Variants in SASH1 observed in about 807,000 individuals in gnomAD.
SASH1 encodes the protein SAM and SH3 domain-containing protein 1.
In SASH1, 44 loss-of-function variants were observed where a neutral mutation model predicts 125.2. The ratio of observed to expected loss-of-function variants is 0.35; its 90% CI spans 0.28 to 0.45. The LOEUF (loss-of-function observed/expected upper bound fraction) is 0.45, where lower values mean the gene tolerates loss of function less well. SASH1 is among the 20% of genes least tolerant of loss of function. The pLI, the probability that SASH1 is intolerant of heterozygous loss-of-function variation, is 1.00. For synonymous variants in SASH1, 639 were observed against 649.1 expected, an observed-to-expected ratio of 0.98 and a Z score of 0.24; for missense variants, 1,426 against 1,614.5, an observed-to-expected ratio of 0.88 and a Z score of 2.00.
At chr6:148,425,742 CTT>C (rs1200473150) in intron 2 of SASH1, among the ~76,000 whole-genome samples, 1 of 122,460 alleles carries the variant, frequency 8.2e-6, no homozygotes, top group African/African-American at 3.0e-5. Context: ...CCCCCTCCTC[CTT>C]TTTTTTTTTC....
At chr6:148,398,649 G>A (rs1348981087) in intron 2 of SASH1, among the ~76,000 whole-genome samples, 1 of 152,140 alleles carries the variant, frequency 6.6e-6, no homozygotes, top group Non-Finnish European at 1.5e-5. Context: ...TTATCCTGCT[G>A]AAGCCCCGTT....
intron 7 of SASH1, among the ~76,000 whole-genome samples, chr6:148,487,092 T>TATAC (rs1339257717): frequency 7.6e-5 from 9 of 118,708 alleles, no homozygotes; most frequent in Non-Finnish European, 1.6e-4. Context: ...CACATATATA[T>TATAC]ACACACACAC....
chr6:148,346,293 G>C (rs1030929777), intron 1 of SASH1, among the ~76,000 whole-genome samples: 2 of 152,106 alleles, frequency 1.3e-5, no homozygotes, highest in Non-Finnish European at 2.9e-5. Flanking sequence ...GACACATTTT[G>C]CATTTAGATT....
the SASH1 span, among the ~76,000 whole-genome samples, chr6:148,238,553 G>A: frequency 6.6e-6 from 1 of 151,638 alleles, no homozygotes; most frequent in East Asian, 1.9e-4. Flanking sequence ...ACCATATGAA[G>A]TTTTCCACAC....
intron 4 of SASH1, among the ~76,000 whole-genome samples, chr6:148,467,253 C>T (rs7766419): frequency 0.13 from 19,893 of 151,980 alleles, 2,021 homozygotes; most frequent in African/African-American, 0.27. Flanking sequence ...TGTGCCACCA[C>T]GCCTAGCTAA....
chr6:148,507,358 T>TTTGTTGTTGTTGTTGTTG (rs140530862), intron 8 of SASH1, among the ~76,000 whole-genome samples: 69 of 150,514 alleles, frequency 4.6e-4, no homozygotes, highest in Non-Finnish European at 7.3e-4. Flanking sequence ...CCAATTCCCT[T>TTTGTTGTTGTTGTTGTTG]TTGTTGTTGT....
intron 8 of SASH1, among the ~76,000 whole-genome samples, chr6:148,504,628 C>T (rs1322989502): frequency 6.6e-6 from 1 of 152,154 alleles, no homozygotes; most frequent in African/African-American, 2.4e-5. Context: ...CCAGTTTACT[C>T]TGACACATGG....
chr6:148,525,430 A>C, intron 11 of SASH1, 65 bp downstream of exon 11: 1 of 1,256,306 alleles, frequency 8.0e-7, no homozygotes, highest in Non-Finnish European at 1.2e-6. Flanking sequence ...ATAGTTCACC[A>C]TTGAGTATCT....
At chr6:148,228,741 T>C in the SASH1 span, among the ~76,000 whole-genome samples, 1 of 152,122 alleles carries the variant, frequency 6.6e-6, no homozygotes, top group Non-Finnish European at 1.5e-5. Context: ...TGTTCTACAG[T>C]TTAATGTTTT....
chr6:148,451,910 C>G (rs555917902), intron 4 of SASH1, among the ~76,000 whole-genome samples: 1 of 152,158 alleles, frequency 6.6e-6, no homozygotes, highest in East Asian at 1.9e-4. Flanking sequence ...GTGGAGACAC[C>G]CATGTTTTCC....
chr6:148,451,821 A>G (rs1777112791), intron 4 of SASH1, among the ~76,000 whole-genome samples: 1 of 152,234 alleles, frequency 6.6e-6, no homozygotes, highest in Non-Finnish European at 1.5e-5. Flanking sequence ...TAGGAAATCC[A>G]GGTCAAGCCA....
upstream of SASH1, among the ~76,000 whole-genome samples, chr6:148,269,936 C>A (rs1330798852): frequency 2.6e-5 from 4 of 152,158 alleles, no homozygotes; most frequent in African/African-American, 9.7e-5. Context: ...GTGTACCTCC[C>A]ACAAGTGTGA....
intron 19 of SASH1, 76 bp downstream of exon 19, chr6:148,546,222 G>A: frequency 6.5e-7 from 1 of 1,528,612 alleles, no homozygotes; most frequent in African/African-American, 1.4e-5. Flanking sequence ...ACTAACAACT[G>A]CCAAGTAGGC....
intron 4 of SASH1, among the ~76,000 whole-genome samples, chr6:148,467,088 CTTTTTTTTTTTT>C (rs71004298): frequency 1.4e-4 from 10 of 69,956 alleles, no homozygotes; most frequent in East Asian, 1.1e-3. Flanking sequence ...TTCCCTGTTC[CTTTTTTTTTTTT>C]TTTTTTTTTT....
chr6:148,284,024 A>C (rs1779417824), intron 1 of SASH1, among the ~76,000 whole-genome samples: 1 of 152,188 alleles, frequency 6.6e-6, no homozygotes, highest in African/African-American at 2.4e-5. Flanking sequence ...CAGGAATAGC[A>C]CATTATCCAC....
At chr6:148,387,512 T>C (rs545712375) in intron 1 of SASH1, among the ~76,000 whole-genome samples, 1 of 143,786 alleles carries the variant, frequency 7.0e-6, no homozygotes, top group African/African-American at 2.8e-5. Context: ...TCTCTTTCTT[T>C]TTCCTTCTTT....
chr6:148,524,097 T>TTATATATATATATA (rs371819726), intron 10 of SASH1, among the ~76,000 whole-genome samples: 9 of 79,560 alleles, frequency 1.1e-4, no homozygotes, highest in South Asian at 3.8e-4. Context: ...ATTCAGTTAA[T>TTATATATATATATA]TATATATATA....
chr6:148,445,657 A>G lies in SASH1; in HGVS notation c.386+5250A>G, dbSNP rs545041497. Among the ~76,000 whole-genome samples, 4 of 152,230 alleles carry G rather than the reference A, an allele frequency of 2.6e-5. No individual in the cohort carries two copies. In the East Asian group the frequency reaches 7.7e-4, roughly 29 times the overall value. The stretch of plus-strand genomic sequence containing the variant: ...TTCTTCTTTCTTTTTCTTTCCCGTC[A>G]TAGCCTCAAAGTGGCTGCTGCATCT... On this transcript the variant is annotated intron_variant, in intron 4 of 19. Coordinates refer to ENST00000367467, the MANE Select transcript of SASH1 (RefSeq NM_015278.5).
At chr6:148,391,505 A>G (rs1398939495) in intron 2 of SASH1, among the ~76,000 whole-genome samples, 7 of 150,834 alleles carry the variant, frequency 4.6e-5, no homozygotes, top group Non-Finnish European at 5.9e-5. Flanking sequence ...ATTACTTAAC[A>G]TTTTATTGCA....
Sources: allele counts gnomAD v4.1 joint callset (sites outside exome capture counted in the v4.1 genomes callset), GRCh38; gene constraint gnomAD v4.1.1; transcripts MANE v1.5; gene names NCBI Gene and HGNC (gene_info 2026-07-23, HGNC 2026-07-21).